Variants in MARCO observed in about 807,000 individuals in gnomAD.
The protein encoded by MARCO is macrophage receptor with collagenous structure, also known as macrophage receptor MARCO.
MARCO carries 72 observed loss-of-function variants against 70.0 expected under a neutral mutation model. The observed-to-expected ratio is 1.03, with a 90% CI of 0.85 to 1.25. MARCO has a LOEUF of 1.25. Ranked by LOEUF, MARCO falls within the 50% of genes most tolerant of loss-of-function variation. The pLI is 0.00. For synonymous variants in MARCO, 273 were observed against 243.1 expected, an observed-to-expected ratio of 1.12 and a Z score of -1.14; for missense variants, 696 against 659.3, an observed-to-expected ratio of 1.06 and a Z score of -0.61.
At chr2:118,986,713 G>C (rs1680518921) in intron 12 of MARCO, among the ~76,000 whole-genome samples, 1 of 99,802 alleles carries the variant, frequency 1.0e-5, no homozygotes, top group African/African-American at 4.9e-5. Context: ...AAGAAAGAAA[G>C]AAAGAAAGAA....
intron 1 of MARCO, among the ~76,000 whole-genome samples, chr2:118,955,034 G>C (rs1173353184): frequency 2.2e-5 from 3 of 138,374 alleles, no homozygotes; most frequent in Non-Finnish European, 4.5e-5. Context: ...CTCAACCCCC[G>C]CCCTGCCAAA....
At chr2:118,969,361 G>A in intron 2 of MARCO, 100 bp downstream of exon 2, 1 of 836,482 alleles carries the variant, frequency 1.2e-6, no homozygotes, top group South Asian at 1.5e-5. Flanking sequence ...AGAGCCTCGG[G>A]CCACTGCTCC....
Position 118,969,075 on chromosome 2 carries a change from C to G in MARCO, c.98-85C>G, listed in dbSNP as rs114296630. 797 of 951,260 alleles carry G rather than the reference C, an allele frequency of 8.4e-4. 6 individuals are homozygous for G. The African/African-American group carries it at 0.012, about 14-fold the overall frequency. 58.9% of individuals were successfully genotyped at this position (951,260 alleles called of 1,614,324 possible). On this transcript the variant is annotated intron_variant, in intron 1 of 16. Coordinates refer to ENST00000327097, the MANE Select transcript of MARCO (RefSeq NM_006770.4). ...CTGACCTCACAGGGTGCCCCCTGCT[C>G]ACATGGAGTAGGGCCTGGAGCAGGC...
chr2:118,991,256 T>G (rs1480641315), intron 13 of MARCO, among the ~76,000 whole-genome samples: 2 of 151,270 alleles, frequency 1.3e-5, no homozygotes, highest in East Asian at 3.9e-4. Flanking sequence ...TTTTATGGTT[T>G]TTTTTTTTTT....
At chr2:118,952,676 G>C (rs571404352) in intron 1 of MARCO, 1 of 152,352 alleles carries the variant, frequency 6.6e-6, no homozygotes, top group African/African-American at 2.4e-5. Context: ...TTGCTGGCCA[G>C]TTTCTTTCTG....
intron 1 of MARCO, 106 bp downstream of exon 1, chr2:118,942,503 C>A: frequency 1.1e-6 from 1 of 878,820 alleles, no homozygotes; most frequent in Admixed American, 2.1e-5. Flanking sequence ...TGGCTTATTG[C>A]TGCATTTTGC....
chr2:118,974,302 A>C (rs1198683092), intron 4 of MARCO, 31 bp from the exon 5 acceptor site: 1 of 1,326,136 alleles, frequency 7.5e-7, no homozygotes, highest in East Asian at 2.4e-5. Context: ...CTGTTGACTG[A>C]CTCATTAGTG....
In MARCO at chr2:118,986,721, GAAAA is replaced by G. The variant is rs1458392483; in HGVS notation, c.1064-3867_1064-3864del. On this transcript the variant is annotated intron_variant, in intron 12 of 16. Coordinates refer to ENST00000327097, the MANE Select transcript of MARCO (RefSeq NM_006770.4). ...AGAAAGAAAGAAAGAAAGAAAGAAAGAAAAGAAAGAAAGAAAGAGAAAGAAAGAG... is the reference window on the plus strand; with the variant it reads ...AGAAAGAAAGAAAGAAAGAAAGAAAGGAAAGAAAGAAAGAGAAAGAAAGAG... Among the ~76,000 whole-genome samples the G allele has an allele frequency of 1.3e-3, 118 of 88,614 alleles. 21 individuals carry two copies. Among genetic ancestry groups the G allele is most frequent in the African/African-American group, 5.6e-3 (65 of 11,672 alleles). 58.1% of individuals were successfully genotyped at this position (88,614 alleles called of 152,430 possible).
chr2:118,944,681 G>C (rs751840966), intron 1 of MARCO: 5 of 151,412 alleles, frequency 3.3e-5, no homozygotes, highest in Non-Finnish European at 7.4e-5. Flanking sequence ...TATTACCCAA[G>C]GATACTGGAC....
chr2:118,977,686 A>T (rs1680311664), intron 7 of MARCO, 142 bp from the exon 8 acceptor site: 4 of 780,412 alleles, frequency 5.1e-6, no homozygotes, highest in Non-Finnish European at 8.2e-6. Context: ...AAGACCACCC[A>T]AGAAATGAGC....
chr2:118,942,214 G>C lies in MARCO; in HGVS notation c.-87G>C. ...GGTTTACAACCAGCTGCAGTGGTTC[G>C]ATGGGAAGGATCTTTCTCCAAGTGG... On this transcript the variant is annotated 5_prime_UTR_variant, in exon 1 of 17. Coordinates refer to ENST00000327097, the MANE Select transcript of MARCO (RefSeq NM_006770.4). 1.2e-6 allele frequency: 1 copy of C among 826,796 alleles called. No homozygotes were observed. The highest frequency in any genetic ancestry group is 2.0e-6 in the Non-Finnish European group (1 of 491,088). 51.2% of individuals were successfully genotyped at this position (826,796 alleles called of 1,614,324 possible). A position where few individuals can be genotyped will look rare whatever the true frequency, so the allele number is the denominator to read the frequency against.
intron 15 of MARCO, 38 bp downstream of exon 15, chr2:118,992,514 A>AAGTCAAT (rs767339413): frequency 1.3e-6 from 2 of 1,524,824 alleles, no homozygotes; most frequent in Non-Finnish European, 1.8e-6. Context: ...GTGTGCTTTA[A>AAGTCAAT]AGTCAATTCT....
At chr2:118,991,715 C>A in intron 13 of MARCO, 62 bp from the exon 14 acceptor site, 1 of 951,770 alleles carries the variant, frequency 1.1e-6, no homozygotes, top group Non-Finnish European at 1.6e-6. Flanking sequence ...CAGTAATGCC[C>A]TTGGGTCTCT....
At chr2:118,955,075 C>A (rs1679809984) in intron 1 of MARCO, among the ~76,000 whole-genome samples, 3 of 151,748 alleles carry the variant, frequency 2.0e-5, no homozygotes, top group Admixed American at 2.0e-4. Context: ...CACTAGTTCA[C>A]CAGCAATGGA....
chr2:118,980,468 C>T (rs74839746), intron 8 of MARCO, among the ~76,000 whole-genome samples: 169 of 152,340 alleles, frequency 1.1e-3, no homozygotes, highest in African/African-American at 3.9e-3. Context: ...AGAGCTCTCT[C>T]TCCCCTTTTC....
In MARCO at chr2:118,994,645, G is replaced by T. The variant is rs938327183; in HGVS notation, c.*125G>T. 6.6e-6 allele frequency: 6 copies of T among 911,520 alleles called. No individual in the cohort carries two copies. The highest frequency in any genetic ancestry group is 2.6e-5 in the East Asian group (1 of 37,832). The allele number at this position is 911,520 out of a possible 1,614,324, so 56.5% of individuals were successfully genotyped here. ...CCTCTGGAGAGGGGCCATTAATAAA[G>T]CTCAACATCATTGGCTGTGGCTGAG... On this transcript the variant is annotated 3_prime_UTR_variant, in exon 17 of 17. Coordinates refer to ENST00000327097, the MANE Select transcript of MARCO (RefSeq NM_006770.4).
At chr2:118,990,140 T>G (rs1031257507) in intron 12 of MARCO, among the ~76,000 whole-genome samples, 1 of 152,302 alleles carries the variant, frequency 6.6e-6, no homozygotes, top group African/African-American at 2.4e-5. Context: ...CAACAAATAC[T>G]TGAAGAGCAT....
chr2:118,974,047 A>G (rs1037489704), intron 4 of MARCO, among the ~76,000 whole-genome samples: 1 of 152,132 alleles, frequency 6.6e-6, no homozygotes, highest in Admixed American at 6.5e-5. Context: ...CTTACTGATG[A>G]GGGAGCTGAG....
intron 3 of MARCO, 70 bp from the exon 4 acceptor site, chr2:118,971,429 C>T (rs903681527): frequency 1.4e-5 from 20 of 1,466,774 alleles, no homozygotes; most frequent in Non-Finnish European, 1.8e-5. Context: ...AGAACCTGGG[C>T]ACTCTCAGTT....
Sources: allele counts gnomAD v4.1 joint callset (sites outside exome capture counted in the v4.1 genomes callset), GRCh38; gene constraint gnomAD v4.1.1; transcripts MANE v1.5; gene names NCBI Gene and HGNC (gene_info 2026-07-23, HGNC 2026-07-21).